The following CDH13 variants were observed in gnomAD, a reference collection of about 807,000 sequenced individuals.
CDH13 encodes cadherin 13.
In CDH13, 24 loss-of-function variants were observed where a neutral mutation model predicts 63.8. The ratio of observed to expected loss-of-function variants is 0.38; its 90% CI spans 0.27 to 0.53. The LOEUF (loss-of-function observed/expected upper bound fraction) is 0.53. Among genes scored for constraint, CDH13 ranks in the 20% least tolerant of loss-of-function variants. The probability of loss-of-function intolerance (pLI) is 0.85; values close to 1 mark genes in which losing one functional copy is unlikely to be tolerated. For synonymous variants in CDH13, 503 were observed against 355.3 expected, an observed-to-expected ratio of 1.42 and a Z score of -4.67; for missense variants, 1,049 against 903.1, an observed-to-expected ratio of 1.16 and a Z score of -2.07.
In CDH13 at chr16:82,909,749, A is replaced by C. The variant is rs190844023; in HGVS notation, c.157+51276A>C. ...TCCCACCGGGTTCCTCCCACAACAC[A>C]TGAGAATTATGGGAGATCTCATCTT... is the stretch of plus-strand genomic sequence containing the variant. On this transcript the variant is annotated intron_variant, in intron 2 of 13. Transcript: ENST00000567109. Among the ~76,000 whole-genome samples, 658 of 152,192 alleles carry C rather than the reference A, an allele frequency of 4.3e-3. 3 individuals carry two copies. Among genetic ancestry groups the C allele is most frequent in the Non-Finnish European group, 5.3e-3 (358 of 67,988 alleles).
intron 2 of CDH13, among the ~76,000 whole-genome samples, chr16:82,927,074 T>C (rs2042326814): frequency 6.6e-6 from 1 of 152,122 alleles, no homozygotes; most frequent in Non-Finnish European, 1.5e-5. Flanking sequence ...TTAATGTGCT[T>C]GGTGGTTGAT....
intron 6 of CDH13, among the ~76,000 whole-genome samples, chr16:83,388,915 G>T (rs892280276): frequency 6.6e-6 from 1 of 152,180 alleles, no homozygotes; most frequent in Non-Finnish European, 1.5e-5. Flanking sequence ...TGCTCATAAG[G>T]TGGGAGAAGC....
chr16:83,001,736 T>A (rs1912957571), intron 2 of CDH13, among the ~76,000 whole-genome samples: 1 of 152,150 alleles, frequency 6.6e-6, no homozygotes. Context: ...CAGAGGACAT[T>A]TGATGTAAAG....
intron 7 of CDH13, among the ~76,000 whole-genome samples, chr16:83,523,928 C>G (rs937712636): frequency 6.6e-6 from 1 of 152,212 alleles, no homozygotes; most frequent in Non-Finnish European, 1.5e-5. Flanking sequence ...TTCACCTTCT[C>G]TGCACCAGCC....
chr16:83,730,543 G>A (rs1005770922), intron 10 of CDH13, among the ~76,000 whole-genome samples: 1 of 152,136 alleles, frequency 6.6e-6, no homozygotes, highest in African/African-American at 2.4e-5. Flanking sequence ...TCGATGAAAA[G>A]TTCAACACAC....
chr16:83,678,845 C>G (rs1915173545), intron 10 of CDH13, among the ~76,000 whole-genome samples: 1 of 152,214 alleles, frequency 6.6e-6, no homozygotes, highest in Non-Finnish European at 1.5e-5. Flanking sequence ...AAAGGTTTTG[C>G]TAACTCCGTT....
chr16:83,437,029 C>T (rs2072325563), intron 6 of CDH13, among the ~76,000 whole-genome samples: 1 of 152,094 alleles, frequency 6.6e-6, no homozygotes, highest in Non-Finnish European at 1.5e-5. Context: ...GTCAAAACAA[C>T]TAACTTTCCC....
At chr16:83,137,067 G>A (rs1325737211) in intron 4 of CDH13, among the ~76,000 whole-genome samples, 1 of 152,210 alleles carries the variant, frequency 6.6e-6, no homozygotes, top group South Asian at 2.1e-4. Flanking sequence ...AAGGGGTCAG[G>A]GGGCACATGG....
At chr16:83,782,022 G>A (rs1915561307) in intron 12 of CDH13, among the ~76,000 whole-genome samples, 1 of 151,990 alleles carries the variant, frequency 6.6e-6, no homozygotes, top group Admixed American at 6.5e-5. Context: ...CTCACTAGGT[G>A]AGCATCACAT....
intron 8 of CDH13, among the ~76,000 whole-genome samples, chr16:83,606,474 G>A (rs369812292): frequency 1.3e-5 from 2 of 151,982 alleles, no homozygotes; most frequent in African/African-American, 4.8e-5. Flanking sequence ...GTGGTGGCTC[G>A]TGTCTGTAAT....
intron 11 of CDH13, among the ~76,000 whole-genome samples, chr16:83,764,873 C>T (rs60696484): frequency 5.1e-4 from 77 of 152,360 alleles, no homozygotes; most frequent in East Asian, 3.3e-3. Flanking sequence ...TCCATTCCTG[C>T]CTGTGCGTCT....
intron 5 of CDH13, among the ~76,000 whole-genome samples, chr16:83,281,772 G>A (rs1267655155): frequency 6.6e-6 from 1 of 151,176 alleles, no homozygotes; most frequent in African/African-American, 2.4e-5. Context: ...ACGTAGCCAA[G>A]CGTGGTGGCG....
rs141315185 is a variant in CDH13, at chr16:83,086,736, T to C, written c.367-38649T>C. Among the ~76,000 whole-genome samples the C allele has an allele frequency of 2.6e-4, 39 of 152,290 alleles. 1 individual carries two copies. Among genetic ancestry groups the C allele is most frequent in the African/African-American group, 8.7e-4 (36 of 41,562 alleles). On this transcript the variant is annotated intron_variant, in intron 3 of 13. Transcript: ENST00000567109. The stretch of plus-strand genomic sequence containing the variant: ...CCAGTCTCAAATTCAGTTCATAATA[T>C]TGCTGCTAAGAATGATGCACACAAA...
chr16:83,028,388 C>G (rs1314473006), intron 2 of CDH13, among the ~76,000 whole-genome samples: 1 of 152,182 alleles, frequency 6.6e-6, no homozygotes, highest in Non-Finnish European at 1.5e-5. Context: ...GCAAAGATGG[C>G]TCTAAAGCTG....
intron 2 of CDH13, among the ~76,000 whole-genome samples, chr16:82,860,719 T>G (rs1167876324): frequency 6.6e-6 from 1 of 152,188 alleles, no homozygotes; most frequent in East Asian, 1.9e-4. Context: ...ATTATGAGTA[T>G]AGAGCCTGCA....
chr16:82,908,009 G>T (rs1597188870), intron 2 of CDH13, among the ~76,000 whole-genome samples: 1 of 152,184 alleles, frequency 6.6e-6, no homozygotes, highest in East Asian at 1.9e-4. Context: ...AAAGGTACAT[G>T]TTCTACCTGA....
chr16:83,542,058 C>T (rs909138269), intron 7 of CDH13, among the ~76,000 whole-genome samples: 2 of 152,180 alleles, frequency 1.3e-5, no homozygotes, highest in African/African-American at 4.8e-5. Context: ...CATGGGCCAC[C>T]ATGGCATCAC....
intron 5 of CDH13, among the ~76,000 whole-genome samples, chr16:83,244,921 G>C (rs977836856): frequency 1.3e-5 from 2 of 152,064 alleles, no homozygotes; most frequent in African/African-American, 4.8e-5. Context: ...CTGACCTCCA[G>C]AAGGAAAAAC....
At chr16:83,377,075 A>C (rs200452927) in intron 6 of CDH13, among the ~76,000 whole-genome samples, 1 of 152,212 alleles carries the variant, frequency 6.6e-6, no homozygotes, top group South Asian at 2.1e-4. Flanking sequence ...AGACTCTCCA[A>C]CCCTGGCTGA....
Sources: allele counts gnomAD v4.1 joint callset (sites outside exome capture counted in the v4.1 genomes callset), GRCh38; gene constraint gnomAD v4.1.1; transcripts MANE v1.5; gene names NCBI Gene and HGNC (gene_info 2026-07-23, HGNC 2026-07-21).